NOL4: variants seen among roughly 807,000 people sequenced by gnomAD.
NOL4 encodes nucleolar protein 4, also known as cancer/testis antigen 125.
Under a neutral mutation model 75.9 loss-of-function variants are expected in NOL4, and 17 were observed. The ratio of observed to expected loss-of-function variants is 0.22; its 90% CI spans 0.15 to 0.34. The LOEUF is 0.34. NOL4 is among the 10% of genes least tolerant of loss of function. NOL4 has a pLI of 1.00. For missense variants in NOL4, 614 were observed against 793.5 expected, an observed-to-expected ratio of 0.77 and a Z score of 2.72; for synonymous variants, 292 against 289.9, an observed-to-expected ratio of 1.01 and a Z score of -0.07.
intron 2 of NOL4, among the ~76,000 whole-genome samples, chr18:34,126,627 C>T (rs1215010021): frequency 6.6e-6 from 1 of 152,124 alleles, no homozygotes; most frequent in East Asian, 1.9e-4. Flanking sequence ...TCTGAACTCG[C>T]TTACCCTGTG....
chr18:34,097,606 G>A (rs2078848964), intron 4 of NOL4, among the ~76,000 whole-genome samples: 1 of 152,170 alleles, frequency 6.6e-6, no homozygotes, highest in Non-Finnish European at 1.5e-5. Flanking sequence ...TGTGGTTAGT[G>A]TGACTTAAGA....
At chr18:34,221,325 C>T (rs530646428) in intron 1 of NOL4, 34 of 152,268 alleles carry the variant, frequency 2.2e-4, no homozygotes, top group Admixed American at 1.5e-3. Flanking sequence ...AAGGAAAATG[C>T]ATGTTTATGT....
chr18:33,886,953 T>TATATCTA (rs2064745721), intron 9 of NOL4, among the ~76,000 whole-genome samples: 1 of 133,760 alleles, frequency 7.5e-6, no homozygotes, highest in African/African-American at 2.9e-5. Flanking sequence ...TCTAGATATA[T>TATATCTA]TATATCTAGA....
chr18:33,998,724 C>G (rs1011535002), intron 6 of NOL4, among the ~76,000 whole-genome samples: 4 of 152,182 alleles, frequency 2.6e-5, no homozygotes, highest in African/African-American at 9.6e-5. Context: ...GTCCACGTGA[C>G]AAGTGTTCAA....
At chr18:34,134,398 CAGACA>C (rs1167837116) in intron 1 of NOL4, among the ~76,000 whole-genome samples, 1 of 151,136 alleles carries the variant, frequency 6.6e-6, no homozygotes, top group Admixed American at 6.6e-5. Flanking sequence ...ACTCACCAGA[CAGACA>C]AAACAACGAT....
intron 5 of NOL4, among the ~76,000 whole-genome samples, chr18:34,038,345 A>C (rs527547032): frequency 1.2e-4 from 19 of 152,252 alleles, no homozygotes; most frequent in Admixed American, 3.9e-4. Flanking sequence ...TTCTCAAAAA[A>C]CTAAAAATAG....
intron 6 of NOL4, among the ~76,000 whole-genome samples, chr18:34,000,625 T>A (rs72957345): frequency 1.7e-3 from 256 of 152,236 alleles, no homozygotes; most frequent in Non-Finnish European, 2.1e-3. Flanking sequence ...GATCTCAATG[T>A]CCACATCATA....
In NOL4 at chr18:34,166,838, C is replaced by A. The variant is rs1037516961; in HGVS notation, c.265-36818G>T. Among the ~76,000 whole-genome samples, 2 of 40,936 alleles carry A rather than the reference C, an allele frequency of 4.9e-5. 1 individual carries two copies. The highest frequency in any genetic ancestry group is 1.1e-4 in the Non-Finnish European group (2 of 17,658). 26.9% of individuals were successfully genotyped at this position (40,936 alleles called of 152,430 possible). A position where few individuals can be genotyped will look rare whatever the true frequency, so the allele number is the denominator to read the frequency against. On this transcript the variant is annotated intron_variant, in intron 1 of 10. Coordinates refer to ENST00000261592, the MANE Select transcript of NOL4 (RefSeq NM_003787.5). ...GGATCATGAGGTCAGGAGATCGAGACCATCCTGGCTAACAAGGTGAAACCC... is the reference window on the plus strand; with the variant it reads ...GGATCATGAGGTCAGGAGATCGAGAACATCCTGGCTAACAAGGTGAAACCC...
At chr18:34,108,618 G>A (rs1003202180) in intron 2 of NOL4, among the ~76,000 whole-genome samples, 1 of 152,074 alleles carries the variant, frequency 6.6e-6, no homozygotes, top group South Asian at 2.1e-4. Flanking sequence ...GTTAAATAAT[G>A]ATAAAGTCAA....
At chr18:34,198,017 G>A (rs891354671) in intron 1 of NOL4, among the ~76,000 whole-genome samples, 1 of 151,814 alleles carries the variant, frequency 6.6e-6, no homozygotes, top group African/African-American at 2.4e-5. Flanking sequence ...AAATTTACAA[G>A]AGTCAAGACA....
At position 34,165,131 on chromosome 18, in the gene NOL4, A is replaced by C. The variant is rs575587732; in HGVS notation, c.265-35111T>G. Among the ~76,000 whole-genome samples, 183 of 151,422 alleles carry C rather than the reference A, an allele frequency of 1.2e-3. 1 individual carries two copies. The highest frequency in any genetic ancestry group is 4.3e-3 in the African/African-American group (177 of 41,226). On this transcript the variant is annotated intron_variant, in intron 1 of 10. Transcript: ENST00000261592. ...GGGGAGGGATAGCATTAGGAGATAT[A>C]CCTAATGCTAAATGACGAGTTAATG... is the stretch of plus-strand genomic sequence containing the variant.
intron 9 of NOL4, among the ~76,000 whole-genome samples, chr18:33,929,599 G>A (rs2067552851): frequency 6.6e-6 from 1 of 152,134 alleles, no homozygotes; most frequent in Non-Finnish European, 1.5e-5. Flanking sequence ...TCAGAATTAA[G>A]AATATGATAC....
At chr18:34,039,899 A>G (rs1304174479) in intron 5 of NOL4, among the ~76,000 whole-genome samples, 1 of 151,968 alleles carries the variant, frequency 6.6e-6, no homozygotes, top group Non-Finnish European at 1.5e-5. Context: ...TCAGCATTCA[A>G]TAAATTGCAT....
intron 1 of NOL4, among the ~76,000 whole-genome samples, chr18:34,203,653 G>T (rs2035894258): frequency 6.9e-6 from 1 of 144,988 alleles, no homozygotes; most frequent in South Asian, 2.2e-4. Flanking sequence ...TAGAGAGCTG[G>T]AACAGCCCCC....
At chr18:33,985,277 C>A (rs1036916366) in intron 6 of NOL4, among the ~76,000 whole-genome samples, 2 of 152,094 alleles carry the variant, frequency 1.3e-5, no homozygotes, top group African/African-American at 4.8e-5. Context: ...ATGTTTTCGA[C>A]ACCTGAGGAA....
chr18:34,009,670 G>A (rs527921025), intron 6 of NOL4, among the ~76,000 whole-genome samples: 24 of 151,940 alleles, frequency 1.6e-4, no homozygotes, highest in African/African-American at 4.6e-4. Flanking sequence ...CTTCCTGATC[G>A]GGAAATAATT....
chr18:34,061,132 T>A (rs2077048770), intron 5 of NOL4, among the ~76,000 whole-genome samples: 1 of 152,172 alleles, frequency 6.6e-6, no homozygotes, highest in Non-Finnish European at 1.5e-5. Flanking sequence ...TATATTATCA[T>A]GTAGCACTCA....
chr18:33,866,350 C>T (rs892701728), intron 10 of NOL4, among the ~76,000 whole-genome samples: 2 of 151,946 alleles, frequency 1.3e-5, no homozygotes, highest in Non-Finnish European at 1.5e-5. Flanking sequence ...CTGTCTTTAT[C>T]CATTTGTGTT....
At chr18:34,031,323 T>C (rs1344641435) in intron 5 of NOL4, among the ~76,000 whole-genome samples, 2 of 152,256 alleles carry the variant, frequency 1.3e-5, no homozygotes, top group East Asian at 3.9e-4. Flanking sequence ...ACAACCAATT[T>C]GTAAAGCAAA....
Sources: allele counts gnomAD v4.1 joint callset (sites outside exome capture counted in the v4.1 genomes callset), GRCh38; gene constraint gnomAD v4.1.1; transcripts MANE v1.5; gene names NCBI Gene and HGNC (gene_info 2026-07-23, HGNC 2026-07-21).